FOCAD: variants seen among roughly 807,000 people sequenced by gnomAD.
FOCAD encodes the protein focadhesin, also known as KIAA1797.
FOCAD carries 198 observed loss-of-function variants against 225.6 expected under a neutral mutation model. That is an observed-to-expected ratio of 0.88 (90% CI 0.78 to 0.99). FOCAD has a LOEUF of 0.99. Among genes scored for constraint, FOCAD ranks in the 50% least tolerant of loss-of-function variants. The probability of loss-of-function intolerance (pLI) is 0.00; values close to 1 mark genes in which losing one functional copy is unlikely to be tolerated. For missense variants in FOCAD, 2,713 were observed against 2,123.6 expected (o/e 1.28, Z -5.46); for synonymous variants, 897 against 755.0 (o/e 1.19, Z -3.08).
intron 11 of FOCAD, among the ~76,000 whole-genome samples, chr9:20,807,625 A>G (rs577555476): frequency 7.2e-5 from 11 of 152,358 alleles, no homozygotes; most frequent in Admixed American, 2.0e-4. Context: ...CCCACTGTAC[A>G]TCTTGATTCA....
At chr9:20,991,425 C>T (rs1207006793) in intron 42 of FOCAD, among the ~76,000 whole-genome samples, 1 of 152,136 alleles carries the variant, frequency 6.6e-6, no homozygotes, top group Non-Finnish European at 1.5e-5. Flanking sequence ...TGCACAACTC[C>T]ACCAAGTATC....
intron 6 of FOCAD, 45 bp from the exon 7 acceptor site, chr9:20,764,824 G>T (rs913800622): frequency 6.9e-7 from 1 of 1,458,824 alleles, no homozygotes; most frequent in African/African-American, 1.4e-5. Flanking sequence ...CTGCTTGATA[G>T]TGTGTTTAAC....
At chr9:20,786,994 C>A (rs1043119471) in intron 10 of FOCAD, 4 of 482,724 alleles carry the variant, frequency 8.3e-6, no homozygotes, top group South Asian at 6.1e-5. Context: ...TGAGAGAAAA[C>A]GCTTGATTGC....
chr9:20,684,962 C>T (rs1026284793), intron 1 of FOCAD, among the ~76,000 whole-genome samples: 1 of 152,206 alleles, frequency 6.6e-6, no homozygotes, highest in African/African-American at 2.4e-5. Context: ...TGCATTTACC[C>T]TTCATGAGTT....
At chr9:20,829,824 A>G (rs1021090708) in intron 15 of FOCAD, among the ~76,000 whole-genome samples, 3 of 152,004 alleles carry the variant, frequency 2.0e-5, no homozygotes, top group African/African-American at 7.2e-5. Flanking sequence ...CAGCTGGAAA[A>G]CTGCTAATGT....
chr9:20,938,578 G>A, intron 28 of FOCAD, among the ~76,000 whole-genome samples: 1 of 144,688 alleles, frequency 6.9e-6, no homozygotes, highest in East Asian at 2.0e-4. Context: ...GGGGCCTGTT[G>A]TGGGGTGGGG....
intron 2 of FOCAD, among the ~76,000 whole-genome samples, chr9:20,667,601 G>A (rs1377694412): frequency 6.6e-6 from 1 of 152,122 alleles, no homozygotes; most frequent in Non-Finnish European, 1.5e-5. Flanking sequence ...ACATCCCTGC[G>A]AGGACAGAGA....
chr9:20,737,437 CAG>C (rs1827238695), intron 4 of FOCAD, among the ~76,000 whole-genome samples: 1 of 152,194 alleles, frequency 6.6e-6, no homozygotes, highest in African/African-American at 2.4e-5. Flanking sequence ...GAAATTCAGT[CAG>C]AAATTCATCA....
chr9:20,848,494 T>C (rs1827339879), intron 15 of FOCAD, among the ~76,000 whole-genome samples: 1 of 151,988 alleles, frequency 6.6e-6, no homozygotes, highest in African/African-American at 2.4e-5. Flanking sequence ...AAAAGGGTTC[T>C]GGTTTCCATG....
chr9:20,808,757 G>A (rs1196146127), intron 11 of FOCAD, among the ~76,000 whole-genome samples: 1 of 152,148 alleles, frequency 6.6e-6, no homozygotes, highest in African/African-American at 2.4e-5. Flanking sequence ...TTCTTCCACT[G>A]AGCCTTTGCT....
rs1230460834 is a variant in FOCAD at position 20,770,026 on chromosome 9, A to C, written c.700-6A>C. The C allele has an allele frequency of 2.5e-6, 4 of 1,610,470 alleles. No homozygotes were observed. The African/African-American group carries it at 5.4e-5, about 22-fold the overall frequency. On this transcript the variant is annotated splice_region_variant and splice_polypyrimidine_tract_variant and intron_variant, in intron 7 of 43. Transcript: ENST00000338382. ...TTTAATATCATATAATGACTTTTTT[A>C]AACAGGTAAAAGATTTGATACAGAC...
chr9:20,656,537 T>A (rs1311739920), upstream of FOCAD, among the ~76,000 whole-genome samples: 1 of 152,114 alleles, frequency 6.6e-6, no homozygotes, highest in Non-Finnish European at 1.5e-5. Flanking sequence ...TGTAATGGCC[T>A]TCTTTGTCTC....
chr9:20,933,940 G>T (rs1835716255), intron 28 of FOCAD, among the ~76,000 whole-genome samples: 1 of 152,048 alleles, frequency 6.6e-6, no homozygotes, highest in South Asian at 2.1e-4. Flanking sequence ...GTTTTGATTT[G>T]CATTTCTCTG....
In FOCAD at chr9:20,949,487, G is replaced by T. The variant is rs984455892; in HGVS notation, c.3877-117G>T. 5.4e-6 allele frequency: 4 copies of T among 740,890 alleles called. No individual in the cohort carries two copies. In the Admixed American group the frequency reaches 9.0e-5, roughly 17 times the overall value. 45.9% of individuals were successfully genotyped at this position (740,890 alleles called of 1,614,324 possible). Reference sequence around the variant, plus strand: ...CATAGCTTATGTATTTGAAATAGAAGGACATAATGATAAACTGTTTTATAA... The same window carrying T: ...CATAGCTTATGTATTTGAAATAGAATGACATAATGATAAACTGTTTTATAA... On this transcript the variant is annotated intron_variant, in intron 32 of 43. Transcript: ENST00000338382.
chr9:20,700,407 T>A (rs1823846682), intron 1 of FOCAD, among the ~76,000 whole-genome samples: 1 of 151,944 alleles, frequency 6.6e-6, no homozygotes, highest in Admixed American at 6.6e-5. Flanking sequence ...TTTTTTTTTT[T>A]AAAGAAAATG....
chr9:20,802,049 A>G (rs1244668276), intron 11 of FOCAD, among the ~76,000 whole-genome samples: 1 of 152,116 alleles, frequency 6.6e-6, no homozygotes, highest in East Asian at 1.9e-4. Flanking sequence ...GAAGTTGGGC[A>G]CTCAGCCGTT....
Position 20,993,337 on chromosome 9 carries a change from T to C in FOCAD, c.5332+9T>C. The C allele has an allele frequency of 6.2e-7, 1 of 1,608,708 alleles. No homozygotes were observed. Among genetic ancestry groups the C allele is most frequent in the Non-Finnish European group, 8.5e-7 (1 of 1,175,368 alleles). Reference sequence around the variant, plus strand: ...CAGGGATCTTTTGAAAGGTATTACTTCCATGTTTTATGCTCAACATAGGGG... The same window carrying C: ...CAGGGATCTTTTGAAAGGTATTACTCCCATGTTTTATGCTCAACATAGGGG... On this transcript the variant is annotated intron_variant, in intron 43 of 43. Transcript: ENST00000338382.
At chr9:20,723,204 T>C (rs1258940096) in intron 4 of FOCAD, among the ~76,000 whole-genome samples, 2 of 152,216 alleles carry the variant, frequency 1.3e-5, no homozygotes, top group African/African-American at 4.8e-5. Flanking sequence ...ATGTGTTTTT[T>C]GGGTGAGGTG....
intron 1 of FOCAD, among the ~76,000 whole-genome samples, chr9:20,704,448 A>G (rs1335883802): frequency 6.6e-6 from 1 of 152,218 alleles, no homozygotes; most frequent in Non-Finnish European, 1.5e-5. Flanking sequence ...TCACTTTGCA[A>G]CAATCAAAAA....
Sources: allele counts gnomAD v4.1 joint callset (sites outside exome capture counted in the v4.1 genomes callset), GRCh38; gene constraint gnomAD v4.1.1; transcripts MANE v1.5; gene names NCBI Gene and HGNC (gene_info 2026-07-23, HGNC 2026-07-21).